Variants in CTNNBL1 observed in about 807,000 individuals in gnomAD.
CTNNBL1 encodes beta-catenin-like protein 1.
Under a neutral mutation model 72.7 loss-of-function variants are expected in CTNNBL1, and 31 were observed. The observed-to-expected ratio is 0.43, with a 90% CI of 0.32 to 0.58. The LOEUF (loss-of-function observed/expected upper bound fraction) is 0.58. Ranked by LOEUF, CTNNBL1 falls within the 20% of genes least tolerant of loss-of-function variation. The pLI, the probability that CTNNBL1 is intolerant of heterozygous loss-of-function variation, is 0.08. For missense variants in CTNNBL1, 534 were observed against 725.1 expected (o/e 0.74, Z 3.03); for synonymous variants, 240 against 267.3 (o/e 0.90, Z 1.00).
chr20:37,833,233 A>C (rs989047915), intron 11 of CTNNBL1, among the ~76,000 whole-genome samples: 1 of 152,172 alleles, frequency 6.6e-6, no homozygotes, highest in Non-Finnish European at 1.5e-5. Flanking sequence ...ATAAAACTCG[A>C]ACTGCCCCCT....
intron 11 of CTNNBL1, among the ~76,000 whole-genome samples, chr20:37,827,359 AGC>A (rs375450795): frequency 9.3e-4 from 141 of 152,314 alleles, no homozygotes; most frequent in African/African-American, 3.3e-3. Flanking sequence ...GTCATTGGGT[AGC>A]TATTCACATC....
chr20:37,779,133 C>A, intron 9 of CTNNBL1, 54 bp from the exon 10 acceptor site: 1 of 1,582,192 alleles, frequency 6.3e-7, no homozygotes, highest in Non-Finnish European at 8.6e-7. Context: ...GATGGAGGCT[C>A]ATGAAAAGAC....
At chr20:37,852,493 G>A (rs2122842173) in intron 13 of CTNNBL1, among the ~76,000 whole-genome samples, 1 of 152,296 alleles carries the variant, frequency 6.6e-6, no homozygotes, top group East Asian at 1.9e-4. Flanking sequence ...TCCAGCTTGA[G>A]GCATTTCTCA....
intron 1 of CTNNBL1, among the ~76,000 whole-genome samples, chr20:37,718,511 G>T (rs1312288168): frequency 2.1e-5 from 3 of 141,054 alleles, no homozygotes; most frequent in Admixed American, 1.4e-4. Context: ...GGGCAGAGGG[G>T]CTCCTCACTT....
intron 11 of CTNNBL1, among the ~76,000 whole-genome samples, chr20:37,823,834 C>T (rs1368941861): frequency 6.6e-6 from 1 of 152,190 alleles, no homozygotes; most frequent in African/African-American, 2.4e-5. Flanking sequence ...GGGAAATTCC[C>T]AGCTGAGCCT....
chr20:37,746,647 G>T, intron 4 of CTNNBL1, 40 bp downstream of exon 4: 2 of 1,612,934 alleles, frequency 1.2e-6, no homozygotes, highest in South Asian at 1.1e-5. Context: ...GAGCTGACAT[G>T]GTGGGGAAGT....
At chr20:37,855,515 C>G (rs2072432115) in intron 13 of CTNNBL1, among the ~76,000 whole-genome samples, 1 of 152,210 alleles carries the variant, frequency 6.6e-6, no homozygotes, top group African/African-American at 2.4e-5. Flanking sequence ...GTTAGCTGTT[C>G]AAGACATCTC....
chr20:37,788,453 C>T (rs146887343), intron 10 of CTNNBL1, among the ~76,000 whole-genome samples: 67 of 152,318 alleles, frequency 4.4e-4, no homozygotes, highest in African/African-American at 1.6e-3. Context: ...AGCCTGTTGC[C>T]GAGAACTCAG....
At chr20:37,740,071 C>T (rs993605455) in intron 3 of CTNNBL1, among the ~76,000 whole-genome samples, 43 of 152,248 alleles carry the variant, frequency 2.8e-4, no homozygotes, top group Admixed American at 2.6e-3. Flanking sequence ...AGTTCATTAA[C>T]TGGGTTTAAG....
chr20:37,856,584 G>C (rs183572296), intron 13 of CTNNBL1, among the ~76,000 whole-genome samples: 1 of 150,592 alleles, frequency 6.6e-6, no homozygotes, highest in Non-Finnish European at 1.5e-5. Context: ...TGAGCAGAGA[G>C]TATGGCCAAC....
chr20:37,711,833 G>A (rs563226769), intron 1 of CTNNBL1, among the ~76,000 whole-genome samples: 78 of 152,184 alleles, frequency 5.1e-4, no homozygotes, highest in African/African-American at 1.9e-3. Context: ...GTCATGTATG[G>A]CCAGAGCTTG....
intron 11 of CTNNBL1, among the ~76,000 whole-genome samples, chr20:37,811,276 C>A (rs2072010319): frequency 6.6e-6 from 1 of 152,156 alleles, no homozygotes; most frequent in African/African-American, 2.4e-5. Context: ...TTGCCACCAC[C>A]CCTGTGCCCA....
intron 13 of CTNNBL1, among the ~76,000 whole-genome samples, chr20:37,857,474 T>A: frequency 6.6e-6 from 1 of 152,236 alleles, no homozygotes. Context: ...CCTCTCAGAC[T>A]TGCTGTCCTC....
intron 11 of CTNNBL1, among the ~76,000 whole-genome samples, chr20:37,809,914 C>T (rs1234804612): frequency 6.6e-6 from 1 of 152,142 alleles, no homozygotes; most frequent in Non-Finnish European, 1.5e-5. Flanking sequence ...ACATGAGACA[C>T]ATGCTGGTCA....
chr20:37,833,894 T>C (rs1238029008), intron 11 of CTNNBL1, among the ~76,000 whole-genome samples: 2 of 152,146 alleles, frequency 1.3e-5, no homozygotes, highest in Non-Finnish European at 2.9e-5. Context: ...ACTCGGTGTG[T>C]GTATATATGT....
rs1367472297 is a variant in CTNNBL1, at chr20:37,805,423, TC to T, written c.1213+2378del. On this transcript the variant is annotated intron_variant, in intron 11 of 15. Transcript: ENST00000361383. ...TTTTTTTTTTCCTTTTTTTTTTTTT[TC>T]CCTGGCCTGTTGCCCAGGCTAGAGT... Among the ~76,000 whole-genome samples, 975 of 108,126 alleles carry T rather than the reference TC, an allele frequency of 9.0e-3. 11 individuals carry two copies. The highest frequency in any genetic ancestry group is 0.032 in the African/African-American group (895 of 28,392). The allele number at this position is 108,126 out of a possible 152,430, so 70.9% of individuals were successfully genotyped here. A position where few individuals can be genotyped will look rare whatever the true frequency, so the allele number is the denominator to read the frequency against.
At chr20:37,843,470 G>A (rs999739248) in intron 13 of CTNNBL1, among the ~76,000 whole-genome samples, 5 of 152,290 alleles carry the variant, frequency 3.3e-5, no homozygotes, top group Admixed American at 6.5e-5. Context: ...AGAGACTAGG[G>A]CTGTGGGGAT....
At chr20:37,738,132 G>A (rs143262981) in intron 3 of CTNNBL1, among the ~76,000 whole-genome samples, 3 of 152,334 alleles carry the variant, frequency 2.0e-5, no homozygotes, top group Non-Finnish European at 2.9e-5. Flanking sequence ...GCCCAAAGAA[G>A]ACTGATCGTG....
intron 11 of CTNNBL1, among the ~76,000 whole-genome samples, chr20:37,829,934 T>G (rs746106764): frequency 2.7e-4 from 41 of 152,246 alleles, no homozygotes; most frequent in East Asian, 1.9e-3. Flanking sequence ...TGGGCTCACA[T>G]GATCCTCCCA....
Sources: allele counts gnomAD v4.1 joint callset (sites outside exome capture counted in the v4.1 genomes callset), GRCh38; gene constraint gnomAD v4.1.1; transcripts MANE v1.5; gene names NCBI Gene and HGNC (gene_info 2026-07-23, HGNC 2026-07-21).